SOX5: variants seen among roughly 807,000 people sequenced by gnomAD.
The protein encoded by SOX5 is SRY-box transcription factor 5.
SOX5 carries 9 observed loss-of-function variants against 92.0 expected under a neutral mutation model. That is an observed-to-expected ratio of 0.10 (90% CI 0.06 to 0.17). The LOEUF is 0.17. Among genes scored for constraint, SOX5 ranks in the 10% least tolerant of loss-of-function variants. The pLI is 1.00. For missense variants in SOX5, 642 were observed against 944.5 expected, an observed-to-expected ratio of 0.68 and a Z score of 4.20; for synonymous variants, 344 against 336.3, an observed-to-expected ratio of 1.02 and a Z score of -0.25.
chr12:23,713,175 A>T (rs983134443), intron 6 of SOX5, among the ~76,000 whole-genome samples: 1 of 152,064 alleles, frequency 6.6e-6, no homozygotes, highest in Non-Finnish European at 1.5e-5. Context: ...GGCAGAGACT[A>T]GAGTCACGCA....
chr12:24,383,646 G>C (rs994875677), intron 1 of SOX5, among the ~76,000 whole-genome samples: 5 of 152,172 alleles, frequency 3.3e-5, no homozygotes, highest in Non-Finnish European at 7.3e-5. Flanking sequence ...TTGGTTATCA[G>C]ATCCAGCGTC....
chr12:24,035,468 T>C (rs114453183), intron 4 of SOX5, among the ~76,000 whole-genome samples: 1 of 152,070 alleles, frequency 6.6e-6, no homozygotes, highest in Admixed American at 6.6e-5. Flanking sequence ...TGTAACAATG[T>C]ATAAATCAAA....
chr12:23,954,443 C>A (rs1252316064), upstream of SOX5, among the ~76,000 whole-genome samples: 2 of 150,636 alleles, frequency 1.3e-5, no homozygotes, highest in Non-Finnish European at 3.0e-5. Context: ...AAAGAGGACA[C>A]TTCCTCTTTC....
At chr12:23,847,294 G>A (rs908918362) in intron 2 of SOX5, among the ~76,000 whole-genome samples, 12 of 151,990 alleles carry the variant, frequency 7.9e-5, no homozygotes, top group Admixed American at 5.2e-4. Flanking sequence ...TTAAAAGTTC[G>A]CATTAAAATA....
At chr12:24,150,720 G>T (rs986148774) in intron 4 of SOX5, among the ~76,000 whole-genome samples, 3 of 152,014 alleles carry the variant, frequency 2.0e-5, no homozygotes, top group Non-Finnish European at 2.9e-5. Context: ...TAAAAATTGT[G>T]AAAAGGAGGA....
chr12:24,095,128 C>CACACACACACACACACAG (rs1345578614), intron 4 of SOX5, among the ~76,000 whole-genome samples: 1 of 90,214 alleles, frequency 1.1e-5, no homozygotes, highest in African/African-American at 4.5e-5. Context: ...CACACACACA[C>CACACACACACACACACAG]AGAGAGAGAG....
At position 24,137,556 on chromosome 12, in the gene SOX5, C is replaced by T. The variant is rs575336277; in HGVS notation, c.-2+75787G>A. 2.0e-5 allele frequency among the ~76,000 whole-genome samples: 3 copies of T among 152,250 alleles called. No homozygotes were observed. The East Asian group carries it at 5.8e-4, about 29-fold the overall frequency. On this transcript the variant is annotated intron_variant, in intron 4 of 4. Coordinates refer to the SOX5 transcript ENST00000446891. ...CTGAGGCAGGACAAACACTTGAACC[C>T]TGGAGATGGAGGTTGCAGTGAGCAG...
chr12:23,871,993 CTT>C (rs752984009), intron 2 of SOX5, among the ~76,000 whole-genome samples: 2 of 141,392 alleles, frequency 1.4e-5, no homozygotes, highest in Non-Finnish European at 1.6e-5. Context: ...TACATTTATT[CTT>C]TTTTTTTTTT....
intron 3 of SOX5, among the ~76,000 whole-genome samples, chr12:24,226,572 G>A (rs981771102): frequency 2.0e-5 from 3 of 152,078 alleles, no homozygotes; most frequent in Non-Finnish European, 4.4e-5. Context: ...CTGGGTTCAA[G>A]CAATTCTCCT....
intron 6 of SOX5, among the ~76,000 whole-genome samples, chr12:23,703,402 A>T (rs2090938426): frequency 6.6e-6 from 1 of 152,042 alleles, no homozygotes; most frequent in South Asian, 2.1e-4. Flanking sequence ...CATAAGAACA[A>T]TACTTTCTTG....
intron 4 of SOX5, among the ~76,000 whole-genome samples, chr12:24,140,632 G>C (rs1950503435): frequency 6.6e-6 from 1 of 152,118 alleles, no homozygotes; most frequent in Admixed American, 6.5e-5. Flanking sequence ...TAGGAATAAG[G>C]ATTAAACCCA....
At chr12:24,558,364 C>T (rs1359927094) in intron 1 of SOX5, among the ~76,000 whole-genome samples, 1 of 152,036 alleles carries the variant, frequency 6.6e-6, no homozygotes, top group Non-Finnish European at 1.5e-5. Flanking sequence ...GAGGAAACAA[C>T]CCCCCGCGAA....
chr12:23,706,558 C>G (rs1459690556), intron 6 of SOX5, among the ~76,000 whole-genome samples: 3 of 151,822 alleles, frequency 2.0e-5, no homozygotes, highest in South Asian at 2.1e-4. Flanking sequence ...TATAATAACT[C>G]CAGCTAGGTA....
intron 1 of SOX5, among the ~76,000 whole-genome samples, chr12:24,546,395 A>G (rs965690834): frequency 6.6e-6 from 1 of 152,212 alleles, no homozygotes; most frequent in Non-Finnish European, 1.5e-5. Context: ...TACACGACAG[A>G]ATCTAGTGAG....
At chr12:23,659,872 C>A (rs1322370789) in intron 7 of SOX5, among the ~76,000 whole-genome samples, 1 of 152,036 alleles carries the variant, frequency 6.6e-6, no homozygotes, top group African/African-American at 2.4e-5. Flanking sequence ...GAGGCTGAGG[C>A]AGGAGAATCT....
At chr12:23,890,463 C>G (rs2097118694) in intron 2 of SOX5, among the ~76,000 whole-genome samples, 1 of 152,120 alleles carries the variant, frequency 6.6e-6, no homozygotes, top group Admixed American at 6.5e-5. Context: ...TCAAGACTTT[C>G]ATTTCACATC....
At chr12:23,875,509 C>T (rs2096918029) in intron 2 of SOX5, among the ~76,000 whole-genome samples, 1 of 150,862 alleles carries the variant, frequency 6.6e-6, no homozygotes, top group South Asian at 2.1e-4. Flanking sequence ...ATTATTTTTT[C>T]TTCATAGAAA....
At chr12:24,542,634 C>T (rs1175157495) in intron 1 of SOX5, among the ~76,000 whole-genome samples, 2 of 152,146 alleles carry the variant, frequency 1.3e-5, no homozygotes, top group African/African-American at 2.4e-5. Flanking sequence ...CCCAAGTCTG[C>T]TTATGTCATT....
intron 9 of SOX5, among the ~76,000 whole-genome samples, chr12:23,578,460 A>G (rs1949580862): frequency 6.6e-6 from 1 of 151,920 alleles, no homozygotes. Context: ...ACTGCCTCGT[A>G]TATTAAAATA....
Sources: allele counts gnomAD v4.1 joint callset (sites outside exome capture counted in the v4.1 genomes callset), GRCh38; gene constraint gnomAD v4.1.1; transcripts MANE v1.5; gene names NCBI Gene and HGNC (gene_info 2026-07-23, HGNC 2026-07-21).